RNF180: variants seen among roughly 807,000 people sequenced by gnomAD.
RNF180 encodes E3 ubiquitin-protein ligase RNF180.
RNF180 carries 38 observed loss-of-function variants against 59.2 expected under a neutral mutation model. The observed-to-expected ratio is 0.64, with a 90% confidence interval of 0.50 to 0.84. RNF180 has a LOEUF of 0.84. Ranked by LOEUF, RNF180 falls within the 40% of genes least tolerant of loss-of-function variation. The probability of loss-of-function intolerance (pLI) is 0.00; values close to 1 mark genes in which losing one functional copy is unlikely to be tolerated. For missense variants in RNF180, 705 were observed against 700.9 expected, an observed-to-expected ratio of 1.01 and a Z score of -0.07; for synonymous variants, 262 against 240.3, an observed-to-expected ratio of 1.09 and a Z score of -0.84.
At chr5:64,350,373 C>T (rs184485951) in intron 7 of RNF180, among the ~76,000 whole-genome samples, 1 of 152,212 alleles carries the variant, frequency 6.6e-6, no homozygotes, top group East Asian at 1.9e-4. Context: ...TGCCTGTTCA[C>T]TCTGATGGTA....
rs745715193 is a variant in RNF180, at chr5:64,347,696, G to T, written c.1579+17290G>T. Among the ~76,000 whole-genome samples the T allele has an allele frequency of 2.6e-5, 4 of 152,248 alleles. No individual in the cohort carries two copies. The East Asian group carries it at 7.7e-4, about 29-fold the overall frequency. On this transcript the variant is annotated intron_variant, in intron 7 of 7. Coordinates refer to ENST00000389100, the MANE Select transcript of RNF180 (RefSeq NM_001113561.2). ...TCATTAAAATAGGATAATATGAAATGTTTTAATATTTACAGATTTATAATT... is the reference window on the plus strand; with the variant it reads ...TCATTAAAATAGGATAATATGAAATTTTTTAATATTTACAGATTTATAATT...
At chr5:64,321,810 A>G (rs1744366975) in intron 5 of RNF180, among the ~76,000 whole-genome samples, 1 of 152,220 alleles carries the variant, frequency 6.6e-6, no homozygotes, top group South Asian at 2.1e-4. Context: ...CTAGTACCCA[A>G]ACAGACATAT....
At chr5:64,298,746 G>C (rs115473774) in intron 5 of RNF180, among the ~76,000 whole-genome samples, 2,073 of 152,114 alleles carry the variant, frequency 0.014, 37 homozygotes, top group Middle Eastern at 0.044. Context: ...CGCTGAACCA[G>C]AGCAGGTTCA....
intron 5 of RNF180, among the ~76,000 whole-genome samples, chr5:64,228,751 C>T (rs919114870): frequency 6.6e-6 from 1 of 151,970 alleles, no homozygotes; most frequent in African/African-American, 2.4e-5. Context: ...AAGCTTAGAT[C>T]ACTCACCTTT....
At chr5:64,337,552 A>T (rs949596254) in intron 7 of RNF180, among the ~76,000 whole-genome samples, 5 of 152,052 alleles carry the variant, frequency 3.3e-5, no homozygotes, top group Admixed American at 1.3e-4. Context: ...CATGTGCACA[A>T]TGTGCAGGTT....
intron 7 of RNF180, among the ~76,000 whole-genome samples, chr5:64,352,350 C>T (rs1449789809): frequency 2.0e-5 from 3 of 151,990 alleles, no homozygotes; most frequent in African/African-American, 7.2e-5. Flanking sequence ...TTTCAAAAAA[C>T]CAGCTCCTGG....
chr5:64,371,063 A>G lies in RNF180; in HGVS notation c.*1249A>G, dbSNP rs1746643780. ...AAAGCCAAAATTTAAGCTAATTGCT[A>G]CTAACTGTATTTCAATAAAAGCACT... is the stretch of plus-strand genomic sequence containing the variant. On this transcript the variant is annotated 3_prime_UTR_variant, in exon 8 of 8. Coordinates refer to ENST00000389100, the MANE Select transcript of RNF180 (RefSeq NM_001113561.2). 1 of 151,710 alleles carries G rather than the reference A, an allele frequency of 6.6e-6. No homozygotes were observed. Among genetic ancestry groups the G allele is most frequent in the Non-Finnish European group, 1.5e-5 (1 of 67,734 alleles). The allele number at this position is 151,710 out of a possible 1,614,324, so 9.4% of individuals were successfully genotyped here. A position where few individuals can be genotyped will look rare whatever the true frequency, so the allele number is the denominator to read the frequency against.
intron 5 of RNF180, among the ~76,000 whole-genome samples, chr5:64,287,627 C>T (rs1359792560): frequency 6.6e-6 from 1 of 152,116 alleles, no homozygotes; most frequent in African/African-American, 2.4e-5. Flanking sequence ...TTCTGACTGG[C>T]GTGCAATGGT....
intron 5 of RNF180, among the ~76,000 whole-genome samples, chr5:64,296,627 A>G (rs1001944991): frequency 1.9e-4 from 29 of 151,346 alleles, no homozygotes; most frequent in African/African-American, 6.3e-4. Flanking sequence ...GAAGCAAGCA[A>G]AAGGTTGGAT....
At chr5:64,187,196 G>A (rs533272164) in intron 1 of RNF180, among the ~76,000 whole-genome samples, 2 of 152,258 alleles carry the variant, frequency 1.3e-5, no homozygotes, top group African/African-American at 4.8e-5. Flanking sequence ...CAAGAATAAA[G>A]AAGTGCTATT....
At chr5:64,330,080 A>G (rs780484608) in intron 6 of RNF180, among the ~76,000 whole-genome samples, 3 of 152,230 alleles carry the variant, frequency 2.0e-5, no homozygotes, top group Non-Finnish European at 2.9e-5. Flanking sequence ...AGGCATGTCA[A>G]AGTTGCACCA....
In RNF180 at chr5:64,214,483, A is replaced by G; in HGVS notation, c.1157A>G (p.Lys386Arg). The stretch of plus-strand genomic sequence containing the variant: ...AGCAAGTTGAAGAATCTAAGAAGGA[A>G]ACAACGAAGGCGTGAAAGATGGCTA... ...ERSKLKNLRR[K>R]QRRRERWLQK... Residue 386 changes from lysine (K) to arginine (R), a missense_variant, in exon 4 of 8, where the codon AAA becomes AGA. By Grantham distance (26) the Lys-to-Arg change is conservative. Coordinates refer to ENST00000389100, the MANE Select transcript of RNF180 (RefSeq NM_001113561.2). 1.2e-6 allele frequency: 2 copies of G among 1,613,898 alleles called. No individual in the cohort carries two copies. The highest frequency in any genetic ancestry group is 1.7e-5 in the Admixed American group (1 of 59,976).
Position 64,310,262 on chromosome 5 carries a change from A to G in RNF180, c.1228-14924A>G, listed in dbSNP as rs564884850. Among the ~76,000 whole-genome samples, 14 of 151,954 alleles carry G rather than the reference A, an allele frequency of 9.2e-5. No individual in the cohort carries two copies. In the East Asian group the frequency reaches 2.3e-3, roughly 25 times the overall value. On this transcript the variant is annotated intron_variant, in intron 5 of 7. Coordinates refer to ENST00000389100, the MANE Select transcript of RNF180 (RefSeq NM_001113561.2). ...TCTGGATCCACATTCAGAAATTAAT[A>G]TAATTTGTCATATGGCTTAAACTAT...
intron 5 of RNF180, among the ~76,000 whole-genome samples, chr5:64,299,967 G>A (rs1292746864): frequency 6.6e-6 from 1 of 151,660 alleles, no homozygotes; most frequent in Non-Finnish European, 1.5e-5. Context: ...CCAGTGTATC[G>A]GTGGTATGTA....
chr5:64,316,349 C>T (rs1744042577), intron 5 of RNF180, among the ~76,000 whole-genome samples: 1 of 152,140 alleles, frequency 6.6e-6, no homozygotes, highest in African/African-American at 2.4e-5. Context: ...AATACCCTAT[C>T]ATTTTATTTT....
intron 5 of RNF180, among the ~76,000 whole-genome samples, chr5:64,230,699 G>A (rs1346944195): frequency 6.6e-6 from 1 of 152,194 alleles, no homozygotes; most frequent in Admixed American, 6.5e-5. Context: ...GAAGTGGGGA[G>A]GGAAATATTA....
chr5:64,242,561 A>G (rs1561212477), intron 5 of RNF180, among the ~76,000 whole-genome samples: 1 of 152,220 alleles, frequency 6.6e-6, no homozygotes, highest in South Asian at 2.1e-4. Flanking sequence ...ATCAAAACAG[A>G]TATTTTGGAG....
chr5:64,246,278 AAGG>A (rs1468461506), intron 5 of RNF180, among the ~76,000 whole-genome samples: 1 of 152,198 alleles, frequency 6.6e-6, no homozygotes, highest in Non-Finnish European at 1.5e-5. Context: ...AGCAGAATTG[AAGG>A]AGAAGAGACA....
rs542740397 is a variant in RNF180, at chr5:64,182,212, T to C, written c.-1+16259T>C. Among the ~76,000 whole-genome samples, 25 of 152,164 alleles carry C rather than the reference T, an allele frequency of 1.6e-4. 2 individuals are homozygous for C. Among genetic ancestry groups the C allele is most frequent in the African/African-American group, 3.9e-4 (16 of 41,520 alleles). ...TTCACTGTGTTAGCCAGGATGGTCT[T>C]GATCTCCTGACCTCGTGATCTGCCC... On this transcript the variant is annotated intron_variant, in intron 1 of 7. Coordinates refer to ENST00000389100, the MANE Select transcript of RNF180 (RefSeq NM_001113561.2).
Sources: gnomAD v4.1 joint callset for allele counts (sites outside exome capture counted in the v4.1 genomes callset) on GRCh38, gnomAD v4.1.1 for gene constraint, MANE v1.5 for transcripts, NCBI Gene and HGNC (gene_info 2026-07-23, HGNC 2026-07-21) for gene names.